YIPF3: variants seen among roughly 807,000 people sequenced by gnomAD.
YIPF3 encodes the protein Yip1 domain family member 3.
A neutral mutation model predicts 40.3 loss-of-function variants in YIPF3; 18 were observed. That is an observed-to-expected ratio of 0.45 (90% CI 0.31 to 0.66). The LOEUF (loss-of-function observed/expected upper bound fraction) is 0.66, where lower values mean the gene tolerates loss of function less well. YIPF3 is among the 30% of genes least tolerant of loss of function. YIPF3 has a pLI of 0.07. For missense variants in YIPF3, 406 were observed against 452.2 expected, an observed-to-expected ratio of 0.90 and a Z score of 0.93; for synonymous variants, 190 against 179.6, an observed-to-expected ratio of 1.06 and a Z score of -0.46.
In YIPF3 at chr6:43,512,764, G is replaced by A. The variant is rs1407552780; in HGVS notation, c.777C>T (p.Arg259=). The part of the protein sequence containing the change: ...WLLVGGLSTL[R]MVAVLVSRTV... ...GGAAGCCTCTTGCCCAGCTTACCATGCGCAGTGTGGACAGTCCACCCACCA... is the reference window on the plus strand; with the variant it reads ...GGAAGCCTCTTGCCCAGCTTACCATACGCAGTGTGGACAGTCCACCCACCA... Residue 259 remains arginine, a synonymous_variant, in exon 7 of 9, where the codon CGC becomes CGT. Coordinates refer to ENST00000372422, the MANE Select transcript of YIPF3 (RefSeq NM_015388.4). The A allele has an allele frequency of 1.2e-6, 2 of 1,613,014 alleles. No homozygotes were observed. Among genetic ancestry groups the A allele is most frequent in the Admixed American group, 1.7e-5 (1 of 59,900 alleles).
chr6:43,513,332 C>G, intron 5 of YIPF3, 27 bp downstream of exon 5: 3 of 1,613,754 alleles, frequency 1.9e-6, no homozygotes, highest in Non-Finnish European at 2.5e-6. Flanking sequence ...GTGCAGCCAC[C>G]CCCCCAAAGT....
At position 43,513,622 on chromosome 6, in the gene YIPF3, G is replaced by A; in HGVS notation, c.407C>T (p.Ser136Phe). ...PAQVRSRLLE[S>F]MIPIKMVNFP... ...GTTGACCATCTTGATAGGGATCATG[G>A]ACTCCAGGAGCCTGGGAGAGGAGAG... Residue 136 changes from serine to phenylalanine, a missense_variant, in exon 4 of 9, where the codon TCC (serine) becomes TTC (phenylalanine). By Grantham distance (155) the Ser-to-Phe change is radical. Transcript: ENST00000372422. 6.4e-7 allele frequency: 1 copy of A among 1,565,954 alleles called. No individual in the cohort carries two copies. The highest frequency in any genetic ancestry group is 8.6e-7 in the Non-Finnish European group (1 of 1,156,220).
chr6:43,515,503 G>C, intron 3 of YIPF3, 92 bp downstream of exon 3: 1 of 1,270,324 alleles, frequency 7.9e-7, no homozygotes. Flanking sequence ...AAGACGGGGA[G>C]CCCATCAGAG....
Position 43,516,819 on chromosome 6 carries a change from G to A in YIPF3, c.-12C>T. On this transcript the variant is annotated 5_prime_UTR_variant, in exon 1 of 9. Transcript: ENST00000372422. ...GCTGTAGTTGCCATGTCCCTTGAGGGCTCCCGTCGCTGAAACCCGCGCTAG... is the reference window on the plus strand; with the variant it reads ...GCTGTAGTTGCCATGTCCCTTGAGGACTCCCGTCGCTGAAACCCGCGCTAG... The A allele has an allele frequency of 1.9e-6, 3 of 1,562,844 alleles. No homozygotes were observed. The African/African-American group carries it at 4.1e-5, about 21-fold the overall frequency.
intron 1 of YIPF3, 140 bp from the exon 2 acceptor site, chr6:43,516,235 C>T: frequency 1.4e-6 from 2 of 1,474,458 alleles, no homozygotes; most frequent in South Asian, 2.7e-5. Flanking sequence ...CCACTCCATT[C>T]CCCCTCATAT....
At chr6:43,516,558 G>C in intron 1 of YIPF3, 169 bp downstream of exon 1, 1 of 767,576 alleles carries the variant, frequency 1.3e-6, no homozygotes, top group Non-Finnish European at 2.0e-6. Flanking sequence ...GTAGTAGTCT[G>C]GCCCTTTCAG....
chr6:43,516,120 T>C (rs558927657), intron 1 of YIPF3, 25 bp from the exon 2 acceptor site: 1 of 1,613,652 alleles, frequency 6.2e-7, no homozygotes, highest in South Asian at 1.1e-5. Context: ...GCTCCTAGAG[T>C]GCAGGACTTT....
chr6:43,513,749 A>T (rs1400527215), intron 3 of YIPF3, 116 bp from the exon 4 acceptor site: 77 of 1,029,216 alleles, frequency 7.5e-5, no homozygotes, highest in Non-Finnish European at 1.7e-5. Context: ...GGCCTAGAAG[A>T]CATGTTGGAT....
chr6:43,512,666 C>A, intron 7 of YIPF3, 95 bp downstream of exon 7: 1 of 1,545,112 alleles, frequency 6.5e-7, no homozygotes, highest in South Asian at 1.2e-5. Context: ...TCTTCCCTCC[C>A]ATTTAGGGCT....
In YIPF3 at chr6:43,511,991, C is replaced by A. The variant is rs371419791; in HGVS notation, c.*176G>T. On this transcript the variant is annotated 3_prime_UTR_variant, in exon 9 of 9. Coordinates refer to ENST00000372422, the MANE Select transcript of YIPF3 (RefSeq NM_015388.4). Reference sequence around the variant, plus strand: ...AGCCTTGCAGTCCTGGCCAGGAGTTCTTGGCCTTGTGCCTTTCAGAAGTGC... The same window carrying A: ...AGCCTTGCAGTCCTGGCCAGGAGTTATTGGCCTTGTGCCTTTCAGAAGTGC... 8 of 1,048,266 alleles carry A rather than the reference C, an allele frequency of 7.6e-6. No individual in the cohort carries two copies. The African/African-American group carries it at 1.1e-4, about 15-fold the overall frequency. The allele number at this position is 1,048,266 out of a possible 1,614,324, so 64.9% of individuals were successfully genotyped here.
intron 3 of YIPF3, chr6:43,515,377 G>GAGGT (rs1792777842): frequency 3.1e-6 from 2 of 650,220 alleles, no homozygotes; most frequent in Admixed American, 4.2e-5. Context: ...AGTGACATCT[G>GAGGT]AGGTAGGTTT....
At chr6:43,514,934 C>G (rs1363782146) in intron 3 of YIPF3, among the ~76,000 whole-genome samples, 1 of 151,554 alleles carries the variant, frequency 6.6e-6, no homozygotes, top group Non-Finnish European at 1.5e-5. Context: ...AAGGAAGATT[C>G]CAGGAATAAG....
intron 3 of YIPF3, chr6:43,515,207 T>C: frequency 2.2e-6 from 1 of 453,290 alleles, no homozygotes; most frequent in Non-Finnish European, 4.4e-6. Flanking sequence ...TTAGCCAGGA[T>C]GGTCTCGATC....
chr6:43,515,404 G>A (rs368613963), intron 3 of YIPF3, 191 bp downstream of exon 3: 7 of 686,306 alleles, frequency 1.0e-5, no homozygotes, highest in South Asian at 9.0e-5. Flanking sequence ...AAGATGAGTA[G>A]TCAGTTAGAT....
In YIPF3 at chr6:43,516,839, C is replaced by CGCTA; in HGVS notation, c.-36_-33dup. 6.4e-7 allele frequency: 1 copy of CGCTA among 1,555,580 alleles called. No homozygotes were observed. Among genetic ancestry groups the CGCTA allele is most frequent in the Non-Finnish European group, 8.7e-7 (1 of 1,149,144 alleles). Reference sequence around the variant, plus strand: ...TGAGGGCTCCCGTCGCTGAAACCCGCGCTAGCCCCGCGCGCGGAGTGGGCA... The same window carrying CGCTA: ...TGAGGGCTCCCGTCGCTGAAACCCGCGCTAGCTAGCCCCGCGCGCGGAGTGGGCA... On this transcript the variant is annotated 5_prime_UTR_variant, in exon 1 of 9. Coordinates refer to ENST00000372422, the MANE Select transcript of YIPF3 (RefSeq NM_015388.4).
At chr6:43,514,881 TAAAC>T (rs775586480) in intron 3 of YIPF3, among the ~76,000 whole-genome samples, 9 of 152,094 alleles carry the variant, frequency 5.9e-5, no homozygotes, top group Non-Finnish European at 1.2e-4. Flanking sequence ...AATAAAAAGA[TAAAC>T]AAGACAGAGC....
At chr6:43,512,969 A>C in intron 6 of YIPF3, 95 bp from the exon 7 acceptor site, 1 of 1,591,632 alleles carries the variant, frequency 6.3e-7, no homozygotes, top group Non-Finnish European at 8.6e-7. Context: ...CCATTGGCCT[A>C]CTCCTCCCAT....
chr6:43,516,204 T>G, intron 1 of YIPF3, 109 bp from the exon 2 acceptor site: 2 of 1,539,342 alleles, frequency 1.3e-6, no homozygotes, highest in Non-Finnish European at 1.8e-6. Context: ...AGGATACGGC[T>G]TGGAATCACT....
intron 1 of YIPF3, chr6:43,516,413 G>A: frequency 7.9e-6 from 5 of 632,324 alleles, no homozygotes; most frequent in Non-Finnish European, 1.3e-5. Flanking sequence ...CACATAGTAT[G>A]TTTTCAGCGA....
Sources: allele counts gnomAD v4.1 joint callset (sites outside exome capture counted in the v4.1 genomes callset), GRCh38; gene constraint gnomAD v4.1.1; transcripts MANE v1.5; gene names NCBI Gene and HGNC (gene_info 2026-07-23, HGNC 2026-07-21).